The following KIF5C variants were observed in gnomAD, a reference collection of about 807,000 sequenced individuals.
The protein encoded by KIF5C is kinesin family member 5C.
KIF5C carries 18 observed loss-of-function variants against 125.2 expected under a neutral mutation model. That is an observed-to-expected ratio of 0.14 (90% confidence interval 0.10 to 0.21). KIF5C has a LOEUF of 0.21. KIF5C is among the 10% of genes least tolerant of loss of function. The pLI is 1.00. For synonymous variants in KIF5C, 405 were observed against 434.0 expected (o/e 0.93, Z 0.83); for missense variants, 780 against 1,183.8 (o/e 0.66, Z 5.01).
At chr2:148,904,985 T>C (rs1484135432) in intron 1 of KIF5C, among the ~76,000 whole-genome samples, 1 of 152,224 alleles carries the variant, frequency 6.6e-6, no homozygotes, top group Non-Finnish European at 1.5e-5. Context: ...ACTTTGGAAT[T>C]TCCCTCTTAA....
At position 148,875,575 on chromosome 2, in the gene KIF5C, G is replaced by GCCCCCCCCCCCCCCCCCCGCC; in HGVS notation, c.-37_-36insCCCCCCCCCCCCGCCCCCCCC. 1.4e-6 allele frequency: 1 copy of GCCCCCCCCCCCCCCCCCCGCC among 699,606 alleles called. No homozygotes were observed. Among genetic ancestry groups the GCCCCCCCCCCCCCCCCCCGCC allele is most frequent in the East Asian group, 3.0e-5 (1 of 33,466 alleles). The allele number at this position is 699,606 out of a possible 1,614,324, so 43.3% of individuals were successfully genotyped here. ...TCCTCCCTCGTCGTTCCCGGCCCCG[G>GCCCCCCCCCCCCCCCCCCGCC]CCCCCCACCCATCCCCGTGCCCCCT... On this transcript the variant is annotated 5_prime_UTR_variant, in exon 1 of 26. Coordinates refer to ENST00000435030, the MANE Select transcript of KIF5C (RefSeq NM_004522.3).
At chr2:148,997,423 C>A in intron 18 of KIF5C, 83 bp downstream of exon 18, 1 of 1,597,688 alleles carries the variant, frequency 6.3e-7, no homozygotes, top group Non-Finnish European at 8.5e-7. Flanking sequence ...GAAAATCTGT[C>A]ACCTTCAGAT....
At chr2:148,991,371 G>T (rs1681522736) in intron 16 of KIF5C, among the ~76,000 whole-genome samples, 173 bp downstream of exon 16, 1 of 152,138 alleles carries the variant, frequency 6.6e-6, no homozygotes, top group Admixed American at 6.5e-5. Context: ...ACATTTTGTT[G>T]TGTGAAATAG....
At chr2:149,022,275 A>G (rs2105216440) in intron 25 of KIF5C, among the ~76,000 whole-genome samples, 1 of 152,302 alleles carries the variant, frequency 6.6e-6, no homozygotes, top group Non-Finnish European at 1.5e-5. Context: ...CATAGCCTCA[A>G]CAGATACCGA....
At chr2:148,934,768 A>C (rs1682257168) in intron 3 of KIF5C, among the ~76,000 whole-genome samples, 1 of 151,714 alleles carries the variant, frequency 6.6e-6, no homozygotes, top group African/African-American at 2.4e-5. Context: ...CATCACACAT[A>C]TATGTAATAC....
intron 3 of KIF5C, among the ~76,000 whole-genome samples, chr2:148,933,309 C>T (rs1249787681): frequency 6.6e-6 from 1 of 152,072 alleles, no homozygotes; most frequent in Admixed American, 6.5e-5. Context: ...TGTTATCCCA[C>T]TTCTTACTGC....
At chr2:148,974,329 C>T (rs2105148135) in intron 12 of KIF5C, among the ~76,000 whole-genome samples, 1 of 152,326 alleles carries the variant, frequency 6.6e-6, no homozygotes, top group Middle Eastern at 3.4e-3. Context: ...GCTCAGAGTG[C>T]TTAGGGACAC....
rs1682627485 is a variant in KIF5C, at chr2:149,024,469, G to A, written c.*1399G>A. 3 of 152,582 alleles carry A rather than the reference G, an allele frequency of 2.0e-5. 1 individual carries two copies. In the South Asian group the frequency reaches 6.3e-4, roughly 32 times the overall value. The allele number at this position is 152,582 out of a possible 1,614,324, so 9.5% of individuals were successfully genotyped here. A position where few individuals can be genotyped will look rare whatever the true frequency, so the allele number is the denominator to read the frequency against. Reference sequence around the variant, plus strand: ...CACTGTAATGAAATATATGCCAGGGGAGACTTTGGGCTTTTCTCATGACTG... The same window carrying A: ...CACTGTAATGAAATATATGCCAGGGAAGACTTTGGGCTTTTCTCATGACTG... On this transcript the variant is annotated 3_prime_UTR_variant, in exon 26 of 26. Transcript: ENST00000435030.
chr2:148,994,691 T>TTTTC (rs758124694), intron 17 of KIF5C, among the ~76,000 whole-genome samples, 153 bp downstream of exon 17: 3 of 152,062 alleles, frequency 2.0e-5, no homozygotes, highest in East Asian at 1.9e-4. Context: ...GAGCGATTTC[T>TTTTC]TTTCTTTCTT....
intron 4 of KIF5C, among the ~76,000 whole-genome samples, chr2:148,939,520 G>T (rs146162512): frequency 1.4e-3 from 211 of 152,240 alleles, no homozygotes; most frequent in African/African-American, 4.4e-3. Context: ...ACCAATTACT[G>T]CCCTCAAAAT....
chr2:148,877,407 C>T (rs1418816586), intron 1 of KIF5C: 2 of 152,212 alleles, frequency 1.3e-5, no homozygotes, highest in Non-Finnish European at 2.9e-5. Context: ...AAGATATAAG[C>T]TACGATTATT....
At position 148,994,537 on chromosome 2, in the gene KIF5C, G is replaced by A. The variant is rs1352753092; in HGVS notation, c.2022G>A (p.Gln674=). Residue 674 remains glutamine, a splice_region_variant and synonymous_variant, in exon 17 of 26, where the codon CAG becomes CAA. Transcript: ENST00000435030. ...LSEELAKLRA[Q]EKMHEVSFQD... Reference sequence around the variant, plus strand: ...AAGAGCTGGCAAAGCTCCGAGCCCAGGGTAAATATTTGACTAACGTGCAGG... The same window carrying A: ...AAGAGCTGGCAAAGCTCCGAGCCCAAGGTAAATATTTGACTAACGTGCAGG... The A allele has an allele frequency of 2.6e-6, 4 of 1,557,678 alleles. No homozygotes were observed. The highest frequency in any genetic ancestry group is 3.5e-6 in the Non-Finnish European group (4 of 1,150,812).
chr2:148,951,614 G>A (rs1397916801), intron 10 of KIF5C, among the ~76,000 whole-genome samples: 3 of 152,156 alleles, frequency 2.0e-5, no homozygotes, highest in African/African-American at 4.8e-5. Context: ...AGTGCTCAGC[G>A]AGCTCTGATG....
intron 6 of KIF5C, 109 bp downstream of exon 6, chr2:148,942,099 T>A: frequency 8.2e-7 from 1 of 1,213,560 alleles, no homozygotes; most frequent in Non-Finnish European, 1.1e-6. Flanking sequence ...ATATAGGCAT[T>A]TATTCAGGCT....
intron 1 of KIF5C, among the ~76,000 whole-genome samples, chr2:148,877,503 T>C (rs774929673): frequency 1.3e-5 from 2 of 152,262 alleles, no homozygotes; most frequent in Non-Finnish European, 2.9e-5. Flanking sequence ...AGTGACTTAT[T>C]TGGTTTACAG....
At chr2:148,937,577 T>C (rs928835301) in intron 4 of KIF5C, among the ~76,000 whole-genome samples, 189 bp downstream of exon 4, 1 of 152,212 alleles carries the variant, frequency 6.6e-6, no homozygotes, top group East Asian at 1.9e-4. Context: ...AATATCCACA[T>C]AATGAAAGCA....
intron 6 of KIF5C, among the ~76,000 whole-genome samples, chr2:148,942,218 T>G (rs1411063888): frequency 6.6e-6 from 1 of 152,248 alleles, no homozygotes; most frequent in Non-Finnish European, 1.5e-5. Flanking sequence ...AAAGAGATTT[T>G]GATATTGAGT....
intron 21 of KIF5C, among the ~76,000 whole-genome samples, chr2:149,004,926 C>T (rs930333545): frequency 6.6e-6 from 1 of 152,104 alleles, no homozygotes; most frequent in Admixed American, 6.5e-5. Flanking sequence ...TGTGGACTTG[C>T]GTCTGAAGCA....
chr2:148,922,327 A>C (rs908240483), intron 2 of KIF5C, 100 bp downstream of exon 2: 1 of 684,048 alleles, frequency 1.5e-6, no homozygotes, highest in African/African-American at 1.8e-5. Context: ...GACTGTAAGC[A>C]GAGGCCTGCT....
Sources: allele counts gnomAD v4.1 joint callset (sites outside exome capture counted in the v4.1 genomes callset), GRCh38; gene constraint gnomAD v4.1.1; transcripts MANE v1.5; gene names NCBI Gene and HGNC (gene_info 2026-07-23, HGNC 2026-07-21).